Variants in HERC4 observed in about 807,000 individuals in gnomAD.
The protein encoded by HERC4 is HECT and RLD domain containing E3 ubiquitin protein ligase 4, also known as probable E3 ubiquitin-protein ligase HERC4.
Under a neutral mutation model 124.3 loss-of-function variants are expected in HERC4, and 28 were observed. The ratio of observed to expected loss-of-function variants is 0.23; its 90% confidence interval spans 0.17 to 0.31. The LOEUF (loss-of-function observed/expected upper bound fraction) is 0.31. Among genes scored for constraint, HERC4 ranks in the 10% least tolerant of loss-of-function variants. The pLI is 1.00. For missense variants in HERC4, 713 were observed against 1,229.3 expected (o/e 0.58, Z 6.28); for synonymous variants, 407 against 421.5 (o/e 0.97, Z 0.42).
intron 20 of HERC4, among the ~76,000 whole-genome samples, chr10:67,940,171 C>T (rs1242099508): frequency 6.6e-6 from 1 of 152,080 alleles, no homozygotes; most frequent in African/African-American, 2.4e-5. Context: ...CGTGATCTGC[C>T]CACCTTGGCC....
At position 68,075,206 on chromosome 10, in the gene HERC4, C is replaced by G. The variant is rs908126246; in HGVS notation, c.-171G>C. The G allele has an allele frequency of 6.5e-6, 1 of 152,976 alleles. No individual in the cohort carries two copies. Among genetic ancestry groups the G allele is most frequent in the Non-Finnish European group, 1.5e-5 (1 of 68,418 alleles). 9.5% of individuals were successfully genotyped at this position (152,976 alleles called of 1,614,324 possible). A position where few individuals can be genotyped will look rare whatever the true frequency, so the allele number is the denominator to read the frequency against. The stretch of plus-strand genomic sequence containing the variant: ...AGTCCAGAGACAGCCGTCAGCGACC[C>G]GGATGGAGCGGGCGGGGAAGAACGG... On this transcript the variant is annotated 5_prime_UTR_variant, in exon 1 of 25. Coordinates refer to ENST00000373700, the MANE Select transcript of HERC4 (RefSeq NM_015601.4).
intron 9 of HERC4, among the ~76,000 whole-genome samples, chr10:68,009,285 CT>C: frequency 6.6e-6 from 1 of 150,682 alleles, no homozygotes; most frequent in Non-Finnish European, 1.5e-5. Flanking sequence ...GTTGGTTTTT[CT>C]TTTTTTTCTT....
intron 17 of HERC4, 57 bp from the exon 18 acceptor site, chr10:67,955,187 T>A: frequency 6.9e-7 from 1 of 1,457,062 alleles, no homozygotes; most frequent in Non-Finnish European, 9.3e-7. Flanking sequence ...CTACTGTGAC[T>A]GAAACAAGCT....
intron 3 of HERC4, among the ~76,000 whole-genome samples, chr10:68,045,187 G>A (rs1176786040): frequency 6.6e-6 from 1 of 152,110 alleles, no homozygotes; most frequent in Non-Finnish European, 1.5e-5. Context: ...TGGGTGTGTG[G>A]TGGTGCACGC....
At chr10:67,941,453 T>C (rs1381401838) in intron 19 of HERC4, among the ~76,000 whole-genome samples, 5 of 151,994 alleles carry the variant, frequency 3.3e-5, no homozygotes, top group Non-Finnish European at 7.4e-5. Context: ...TAAAAAGTAA[T>C]ACACATTCGA....
intron 3 of HERC4, chr10:68,067,595 T>G (rs1210455427): frequency 2.6e-5 from 4 of 152,216 alleles, no homozygotes; most frequent in Admixed American, 6.5e-5. Flanking sequence ...CAACTATATT[T>G]TAAGGAGCAG....
chr10:67,945,256 C>T (rs1414178157), intron 19 of HERC4, among the ~76,000 whole-genome samples: 1 of 152,140 alleles, frequency 6.6e-6, no homozygotes, highest in Non-Finnish European at 1.5e-5. Flanking sequence ...TAGCAGTAGA[C>T]TTTTCAATGG....
chr10:67,987,164 TCTATC>T (rs1285084939), intron 15 of HERC4, among the ~76,000 whole-genome samples: 2 of 152,178 alleles, frequency 1.3e-5, no homozygotes, highest in Non-Finnish European at 1.5e-5. Context: ...AAGATGAAAC[TCTATC>T]AAGTTCTTCC....
intron 8 of HERC4, among the ~76,000 whole-genome samples, chr10:68,019,052 A>G (rs180821052): frequency 0.029 from 4,232 of 144,992 alleles, 214 homozygotes; most frequent in African/African-American, 0.1. Context: ...GCTGGAGTGC[A>G]ATGGTGCGAT....
At chr10:67,930,646 TCTAA>T (rs2031695917) in intron 23 of HERC4, among the ~76,000 whole-genome samples, 1 of 152,196 alleles carries the variant, frequency 6.6e-6, no homozygotes, top group Non-Finnish European at 1.5e-5. Flanking sequence ...GTATACAGTA[TCTAA>T]CTAATTATAA....
chr10:68,013,885 C>A, intron 9 of HERC4, 141 bp downstream of exon 9: 1 of 638,172 alleles, frequency 1.6e-6, no homozygotes, highest in Non-Finnish European at 2.6e-6. Flanking sequence ...ATCAAACAAC[C>A]ATATACATTG....
chr10:67,929,861 G>C (rs555055569), intron 23 of HERC4, among the ~76,000 whole-genome samples: 1 of 149,368 alleles, frequency 6.7e-6, no homozygotes, highest in South Asian at 2.1e-4. Context: ...TGCCCAGGCT[G>C]GAGTGCAACG....
chr10:67,986,531 A>T (rs2036270448), intron 15 of HERC4, among the ~76,000 whole-genome samples: 1 of 151,452 alleles, frequency 6.6e-6, no homozygotes, highest in African/African-American at 2.4e-5. Context: ...TTTTTTTTGT[A>T]TTTTTAGTGG....
At position 67,990,324 on chromosome 10, in the gene HERC4, T is replaced by A; in HGVS notation, c.1520A>T (p.Tyr507Phe). The A allele has an allele frequency of 6.2e-7, 1 of 1,612,728 alleles. No individual in the cohort carries two copies. Among genetic ancestry groups the A allele is most frequent in the Non-Finnish European group, 8.5e-7 (1 of 1,179,210 alleles). ...CAGGGGACATTCTGGTAGAGTAAGA[T>A]AAAACCTCAATGCTTCAACATCAGG... ...SLPDVEALRF[Y>F]LTLPECPLMS... is the part of the protein sequence containing the mutation. Residue 507 changes from tyrosine (Y) to phenylalanine (F), a missense_variant, in exon 14 of 25, where the codon TAT becomes TTT. Tyr to Phe is a conservative substitution (Grantham distance 22, BLOSUM62 3). Transcript: ENST00000373700.
chr10:67,931,265 T>C (rs2031775972), intron 23 of HERC4, among the ~76,000 whole-genome samples: 1 of 152,150 alleles, frequency 6.6e-6, no homozygotes, highest in South Asian at 2.1e-4. Flanking sequence ...ATTACAGGCA[T>C]GAGCCACCAC....
At chr10:67,946,348 AACACACACACACACACACACACACAC>A (rs58692888) in intron 19 of HERC4, among the ~76,000 whole-genome samples, 3 of 128,522 alleles carry the variant, frequency 2.3e-5, no homozygotes, top group South Asian at 2.8e-4. Flanking sequence ...ATAAAACACA[AACACACACACACACACACACACACAC>A]ACACACACAC....
intron 15 of HERC4, among the ~76,000 whole-genome samples, chr10:67,982,653 G>T (rs1361713926): frequency 1.3e-5 from 2 of 152,044 alleles, no homozygotes; most frequent in East Asian, 3.9e-4. Context: ...CTTCTACACA[G>T]CAAAGGAAAC....
chr10:67,984,649 T>C (rs1196421912), intron 15 of HERC4, among the ~76,000 whole-genome samples: 3 of 152,090 alleles, frequency 2.0e-5, no homozygotes, highest in South Asian at 2.1e-4. Flanking sequence ...ATGGCACGAT[T>C]TCGACTCACT....
At chr10:67,949,754 C>T (rs1010676617) in intron 19 of HERC4, among the ~76,000 whole-genome samples, 7 of 152,146 alleles carry the variant, frequency 4.6e-5, no homozygotes, top group African/African-American at 7.2e-5. Context: ...TAGCTGGGCG[C>T]GGTGGCTCAC....
Sources: allele counts gnomAD v4.1 joint callset (sites outside exome capture counted in the v4.1 genomes callset), GRCh38; gene constraint gnomAD v4.1.1; transcripts MANE v1.5; gene names NCBI Gene and HGNC (gene_info 2026-07-23, HGNC 2026-07-21).